The following TPRG1 variants were observed in gnomAD, a reference collection of about 807,000 sequenced individuals.
TPRG1 encodes tumor protein p63 regulated 1.
In TPRG1, 29 loss-of-function variants were observed where a neutral mutation model predicts 29.3. The ratio of observed to expected loss-of-function variants is 0.99; its 90% CI spans 0.74 to 1.35. The LOEUF is 1.35. Ranked by LOEUF, TPRG1 falls within the 40% of genes most tolerant of loss-of-function variation. TPRG1 has a pLI of 0.00. For missense variants in TPRG1, 327 were observed against 335.0 expected (o/e 0.98, Z 0.19); for synonymous variants, 130 against 116.8 (o/e 1.11, Z -0.73).
intron 3 of TPRG1, among the ~76,000 whole-genome samples, chr3:189,145,646 C>A (rs1725169643): frequency 6.6e-6 from 1 of 152,112 alleles, no homozygotes; most frequent in East Asian, 1.9e-4. Flanking sequence ...ATGCTTGGCA[C>A]ACATTTTCAA....
intron 3 of TPRG1, among the ~76,000 whole-genome samples, chr3:189,235,018 G>A (rs1328697941): frequency 1.3e-5 from 2 of 152,022 alleles, no homozygotes; most frequent in South Asian, 4.2e-4. Context: ...AAGTTGGAGG[G>A]GGCACAGTGA....
At chr3:189,153,604 T>G (rs556818999) in intron 5 of TPRG1, among the ~76,000 whole-genome samples, 1 of 152,148 alleles carries the variant, frequency 6.6e-6, no homozygotes, top group East Asian at 1.9e-4. Context: ...CAGGTAATTC[T>G]TCCTAGATCA....
intron 1 of TPRG1, among the ~76,000 whole-genome samples, chr3:189,119,916 G>A (rs1391326775): frequency 1.3e-5 from 2 of 152,198 alleles, no homozygotes; most frequent in Non-Finnish European, 2.9e-5. Context: ...CTCTGGCTCA[G>A]CCGTGGCAGA....
At chr3:189,163,894 A>G (rs1354105359) in intron 5 of TPRG1, among the ~76,000 whole-genome samples, 1 of 152,162 alleles carries the variant, frequency 6.6e-6, no homozygotes, top group Non-Finnish European at 1.5e-5. Context: ...GCCGAGAATC[A>G]TTCTGAAAAC....
chr3:189,123,387 A>G (rs1467564801), intron 1 of TPRG1, among the ~76,000 whole-genome samples: 1 of 152,226 alleles, frequency 6.6e-6, no homozygotes, highest in African/African-American at 2.4e-5. Flanking sequence ...AACATTTGAC[A>G]GCCTTAACTT....
intron 4 of TPRG1, among the ~76,000 whole-genome samples, chr3:189,030,753 A>AT (rs1713888436): frequency 6.6e-6 from 1 of 152,158 alleles, no homozygotes; most frequent in South Asian, 2.1e-4. Flanking sequence ...GCAGATCACC[A>AT]TATGTCATGC....
intron 4 of TPRG1, among the ~76,000 whole-genome samples, chr3:189,245,307 G>A (rs1741212655): frequency 6.6e-6 from 1 of 151,968 alleles, no homozygotes; most frequent in South Asian, 2.1e-4. Context: ...GCAGCCCAAG[G>A]TTATTGATTT....
chr3:189,199,372 C>T (rs1295736582), intron 1 of TPRG1, among the ~76,000 whole-genome samples: 5 of 152,186 alleles, frequency 3.3e-5, no homozygotes, highest in African/African-American at 1.2e-4. Flanking sequence ...ATCTTGTAGA[C>T]TCGTTGAGCT....
chr3:189,278,581 A>C (rs1304176522), intron 4 of TPRG1, among the ~76,000 whole-genome samples: 1 of 152,226 alleles, frequency 6.6e-6, no homozygotes, highest in African/African-American at 2.4e-5. Context: ...GGAGGAAAAA[A>C]GGTACTTAGG....
Position 189,323,592 on chromosome 3 carries a change from G to A in TPRG1, c.*2772G>A, listed in dbSNP as rs1334671119. 2 of 152,056 alleles carry A rather than the reference G, an allele frequency of 1.3e-5. No individual in the cohort carries two copies. Among genetic ancestry groups the A allele is most frequent in the Non-Finnish European group, 2.9e-5 (2 of 67,982 alleles). 9.4% of individuals were successfully genotyped at this position (152,056 alleles called of 1,614,324 possible). ...CATTACCATCGACCTACTGATTATGGTTTTCTCATTTTACACTTGGTGTTC... is the reference window on the plus strand; with the variant it reads ...CATTACCATCGACCTACTGATTATGATTTTCTCATTTTACACTTGGTGTTC... On this transcript the variant is annotated 3_prime_UTR_variant, in exon 6 of 6. Transcript: ENST00000345063.
chr3:189,231,985 A>T (rs1008360684), intron 3 of TPRG1, among the ~76,000 whole-genome samples: 1 of 121,478 alleles, frequency 8.2e-6, no homozygotes, highest in Non-Finnish European at 1.9e-5. Flanking sequence ...TTGGGTGTAT[A>T]TCTATCTCTT....
intron 1 of TPRG1, among the ~76,000 whole-genome samples, chr3:189,177,789 C>A (rs1729690185): frequency 6.6e-6 from 1 of 152,112 alleles, no homozygotes; most frequent in African/African-American, 2.4e-5. Context: ...GAGAATAATT[C>A]TTTTCATTTA....
intron 1 of TPRG1, among the ~76,000 whole-genome samples, chr3:189,103,652 A>G (rs1227503675): frequency 6.6e-6 from 1 of 152,166 alleles, no homozygotes; most frequent in Admixed American, 6.5e-5. Flanking sequence ...AACCCCCAAA[A>G]GCCAAGCTCA....
chr3:189,207,064 G>A (rs1368697827), intron 1 of TPRG1: 2 of 563,360 alleles, frequency 3.6e-6, no homozygotes, highest in Non-Finnish European at 4.5e-6. Flanking sequence ...CAATTTTGAA[G>A]AGAAATTGTC....
chr3:189,095,698 G>C (rs1718630433), upstream of TPRG1, among the ~76,000 whole-genome samples: 1 of 152,148 alleles, frequency 6.6e-6, no homozygotes, highest in Non-Finnish European at 1.5e-5. Flanking sequence ...ATAAGTCTCT[G>C]CGGGCAAAAA....
At chr3:189,064,871 T>C (rs1716335814) in intron 4 of TPRG1, among the ~76,000 whole-genome samples, 1 of 152,150 alleles carries the variant, frequency 6.6e-6, no homozygotes, top group Admixed American at 6.6e-5. Context: ...CAAAATTGGA[T>C]TAATAATTTA....
intron 4 of TPRG1, among the ~76,000 whole-genome samples, chr3:189,264,293 C>G (rs926326052): frequency 6.6e-6 from 1 of 152,050 alleles, no homozygotes; most frequent in Non-Finnish European, 1.5e-5. Context: ...AATAAGAAGC[C>G]CTTGTCAGCA....
At chr3:189,249,089 T>C (rs967638537) in intron 4 of TPRG1, among the ~76,000 whole-genome samples, 22 of 151,680 alleles carry the variant, frequency 1.5e-4, no homozygotes, top group African/African-American at 5.3e-4. Context: ...GTTATTTAGG[T>C]ATACTCTATC....
chr3:189,090,142 G>A (rs1392895537), intron 4 of TPRG1, among the ~76,000 whole-genome samples: 2 of 151,476 alleles, frequency 1.3e-5, no homozygotes, highest in East Asian at 1.9e-4. Context: ...AAGAACATAC[G>A]GATTCTTCTG....
Sources: gnomAD v4.1 joint callset for allele counts (sites outside exome capture counted in the v4.1 genomes callset) on GRCh38, gnomAD v4.1.1 for gene constraint, MANE v1.5 for transcripts, NCBI Gene and HGNC (gene_info 2026-07-23, HGNC 2026-07-21) for gene names.